Variants in FGF10 observed in about 807,000 individuals in gnomAD.
The protein encoded by FGF10 is FGF-10.
A neutral mutation model predicts 19.8 loss-of-function variants in FGF10; 2 were observed. The ratio of observed to expected loss-of-function variants is 0.10; its 90% CI spans 0.04 to 0.32. FGF10 has a LOEUF of 0.32. Among genes scored for constraint, FGF10 ranks in the 10% least tolerant of loss-of-function variants. FGF10 has a pLI of 1.00. For synonymous variants in FGF10, 112 were observed against 94.0 expected (o/e 1.19, Z -1.10); for missense variants, 191 against 246.3 (o/e 0.78, Z 1.50).
chr5:44,312,782 TAG>T (rs1740243357), intron 1 of FGF10, among the ~76,000 whole-genome samples: 1 of 152,000 alleles, frequency 6.6e-6, no homozygotes, highest in Non-Finnish European at 1.5e-5. Flanking sequence ...TGAAAATTAA[TAG>T]AACAAAGAGG....
At chr5:44,318,974 A>T (rs949825508) in intron 1 of FGF10, among the ~76,000 whole-genome samples, 1 of 152,150 alleles carries the variant, frequency 6.6e-6, no homozygotes, top group South Asian at 2.1e-4. Flanking sequence ...AGAAATCTAG[A>T]TATTGTCTGT....
intron 1 of FGF10, among the ~76,000 whole-genome samples, chr5:44,377,670 A>T (rs1741896186): frequency 6.6e-6 from 1 of 152,116 alleles, no homozygotes; most frequent in Admixed American, 6.6e-5. Context: ...TTTCAAATAC[A>T]GGTTGAGTAT....
intron 1 of FGF10, among the ~76,000 whole-genome samples, chr5:44,331,630 G>A (rs566831114): frequency 1.1e-3 from 175 of 152,216 alleles, no homozygotes; most frequent in African/African-American, 4.2e-3. Context: ...CCTCTGTAAA[G>A]CCTTGCCAAT....
intron 1 of FGF10, among the ~76,000 whole-genome samples, chr5:44,329,194 G>C (rs185607971): frequency 8.0e-4 from 121 of 152,198 alleles, no homozygotes; most frequent in Admixed American, 2.3e-3. Context: ...TTGAAGTGGA[G>C]TCTCACTCTG....
In FGF10 at chr5:44,366,994, G is replaced by A. The variant is rs11960231; in HGVS notation, c.325+21364C>T. Among the ~76,000 whole-genome samples the A allele has an allele frequency of 2.5e-3, 385 of 152,108 alleles. 3 individuals carry two copies. The highest frequency in any genetic ancestry group is 0.017 in the Middle Eastern group (5 of 294). On this transcript the variant is annotated intron_variant, in intron 1 of 2. Transcript: ENST00000264664. The stretch of plus-strand genomic sequence containing the variant: ...TTGTAAAAGAGTATGTCTTCAGGCA[G>A]TTTGGCATCAAGACAAATATTTCTC...
At chr5:44,345,198 T>C (rs1057025539) in intron 1 of FGF10, among the ~76,000 whole-genome samples, 1 of 151,812 alleles carries the variant, frequency 6.6e-6, no homozygotes, top group Non-Finnish European at 1.5e-5. Context: ...TTAAAAATAG[T>C]CTTCAAATTC....
intron 1 of FGF10, among the ~76,000 whole-genome samples, chr5:44,326,196 T>C (rs1740610930): frequency 6.6e-6 from 1 of 152,228 alleles, no homozygotes; most frequent in Admixed American, 6.5e-5. Flanking sequence ...GTATAGATTA[T>C]AGCTACTGTG....
rs1297278188 is a variant in FGF10, at chr5:44,301,372, A to C, written c.*3623T>G. ...ACAAACCTTGAATTGGCAGCATCCA[A>C]ATTATTAGAACTGTGCAGCATTAAT... On this transcript the variant is annotated 3_prime_UTR_variant, in exon 3 of 3. Coordinates refer to ENST00000264664, the MANE Select transcript of FGF10 (RefSeq NM_004465.2). 6.6e-6 allele frequency among the ~76,000 whole-genome samples: 1 copy of C among 152,186 alleles called. No homozygotes were observed. Among genetic ancestry groups the C allele is most frequent in the Non-Finnish European group, 1.5e-5 (1 of 68,028 alleles).
At chr5:44,365,672 A>AGT (rs907234468) in intron 1 of FGF10, among the ~76,000 whole-genome samples, 1 of 152,004 alleles carries the variant, frequency 6.6e-6, no homozygotes, top group African/African-American at 2.4e-5. Flanking sequence ...GTCCTTTGCC[A>AGT]CTGAAGTCCT....
At chr5:44,329,865 C>G (rs1481588838) in intron 1 of FGF10, among the ~76,000 whole-genome samples, 1 of 152,124 alleles carries the variant, frequency 6.6e-6, no homozygotes, top group Non-Finnish European at 1.5e-5. Flanking sequence ...TGAATTTGCG[C>G]TAAATTCCTC....
intron 1 of FGF10, among the ~76,000 whole-genome samples, chr5:44,383,077 A>G (rs1293238533): frequency 1.3e-5 from 2 of 152,126 alleles, no homozygotes; most frequent in African/African-American, 4.8e-5. Flanking sequence ...AAGGCTTAGG[A>G]AAGATGTAGT....
At chr5:44,325,480 C>T (rs1380046858) in intron 1 of FGF10, among the ~76,000 whole-genome samples, 2 of 152,092 alleles carry the variant, frequency 1.3e-5, no homozygotes, top group South Asian at 2.1e-4. Flanking sequence ...GACTTGGAAC[C>T]AACGCAAATG....
chr5:44,312,161 A>G (rs901461501), intron 1 of FGF10, among the ~76,000 whole-genome samples: 6 of 151,666 alleles, frequency 4.0e-5, no homozygotes, highest in Non-Finnish European at 8.8e-5. Context: ...GTTTTTTTAC[A>G]TCCATTTCCC....
At chr5:44,368,981 C>A (rs891795050) in intron 1 of FGF10, among the ~76,000 whole-genome samples, 1 of 151,986 alleles carries the variant, frequency 6.6e-6, no homozygotes, top group Non-Finnish European at 1.5e-5. Context: ...GTGGTCAATT[C>A]TTTATTAATA....
At chr5:44,352,395 C>G (rs1741255845) in intron 1 of FGF10, among the ~76,000 whole-genome samples, 2 of 151,522 alleles carry the variant, frequency 1.3e-5, no homozygotes, top group South Asian at 4.2e-4. Context: ...CTTACCAGGG[C>G]CAGGGTACAA....
chr5:44,347,800 G>A (rs1741121432), intron 1 of FGF10, among the ~76,000 whole-genome samples: 1 of 151,662 alleles, frequency 6.6e-6, no homozygotes, highest in Admixed American at 6.6e-5. Flanking sequence ...TTGTGCTGGT[G>A]GAGGGGACCC....
chr5:44,306,177 C>A (rs2111671037), intron 2 of FGF10, among the ~76,000 whole-genome samples: 1 of 152,216 alleles, frequency 6.6e-6, no homozygotes, highest in East Asian at 1.9e-4. Flanking sequence ...GCAGGCGAAT[C>A]ACAAGGTCAG....
At chr5:44,366,205 G>A (rs1361070844) in intron 1 of FGF10, among the ~76,000 whole-genome samples, 1 of 142,794 alleles carries the variant, frequency 7.0e-6, no homozygotes, top group African/African-American at 2.6e-5. Context: ...GAATAATGAG[G>A]GCAAAAGGTT....
rs768676783 is a variant in FGF10 at position 44,388,494 on chromosome 5, C to T, written c.189G>A (p.Ala63=). ...SSSSFSSPSS[A]GRHVRSYNHL... Reference sequence around the variant, plus strand: ...GATTGTAGCTCCGCACATGCCTTCCCGCGCTGGAAGGAGAGGAGAAGGAGG... The same window carrying T: ...GATTGTAGCTCCGCACATGCCTTCCTGCGCTGGAAGGAGAGGAGAAGGAGG... The change falls in exon 1 of 3, where the codon GCG becomes GCA. Residue 63 remains alanine (A), a synonymous_variant. Transcript: ENST00000264664. 6.2e-7 allele frequency: 1 copy of T among 1,614,078 alleles called. No homozygotes were observed. The highest frequency in any genetic ancestry group is 1.1e-5 in the South Asian group (1 of 91,076).
Sources: allele counts gnomAD v4.1 joint callset (sites outside exome capture counted in the v4.1 genomes callset), GRCh38; gene constraint gnomAD v4.1.1; transcripts MANE v1.5; gene names NCBI Gene and HGNC (gene_info 2026-07-23, HGNC 2026-07-21).